CEP112: variants seen among roughly 807,000 people sequenced by gnomAD.
The protein encoded by CEP112 is centrosomal protein 112, also known as centrosomal protein of 112 kDa.
A neutral mutation model predicts 153.0 loss-of-function variants in CEP112; 127 were observed. That is an observed-to-expected ratio of 0.83 (90% CI 0.72 to 0.96). The LOEUF is 0.96. CEP112 is among the 40% of genes least tolerant of loss of function. The probability of loss-of-function intolerance (pLI) is 0.00; values close to 1 mark genes in which losing one functional copy is unlikely to be tolerated. For missense variants in CEP112, 1,089 were observed against 1,101.2 expected (o/e 0.99, Z 0.16); for synonymous variants, 358 against 374.4 (o/e 0.96, Z 0.51).
intron 12 of CEP112, among the ~76,000 whole-genome samples, chr17:66,047,889 T>C (rs766817449): frequency 2.6e-5 from 4 of 152,150 alleles, no homozygotes; most frequent in Non-Finnish European, 2.9e-5. Context: ...GGGAAACTAA[T>C]TGCAGGACCC....
intron 21 of CEP112, among the ~76,000 whole-genome samples, chr17:65,798,204 T>C (rs1195687289): frequency 1.3e-5 from 2 of 152,146 alleles, no homozygotes; most frequent in African/African-American, 4.8e-5. Context: ...CCCTGATCAA[T>C]GGAGAGTTAC....
intron 20 of CEP112, among the ~76,000 whole-genome samples, chr17:65,890,578 G>A (rs2059427608): frequency 6.6e-6 from 1 of 152,118 alleles, no homozygotes; most frequent in African/African-American, 2.4e-5. Context: ...TGAAGGGTAA[G>A]TACGCTAGAG....
chr17:65,863,253 A>G (rs771720443), intron 20 of CEP112, among the ~76,000 whole-genome samples: 2 of 152,208 alleles, frequency 1.3e-5, no homozygotes, highest in Non-Finnish European at 2.9e-5. Flanking sequence ...TTCATTTTAT[A>G]AACAACTCCC....
At chr17:66,047,131 T>G (rs8070104) in intron 12 of CEP112, among the ~76,000 whole-genome samples, 86,562 of 151,990 alleles carry the variant, frequency 0.57, 25,825 homozygotes, top group African/African-American at 0.67. Context: ...TTATTTATTT[T>G]TTTGAGATGG....
intron 21 of CEP112, among the ~76,000 whole-genome samples, chr17:65,844,871 G>C (rs928677266): frequency 1.3e-5 from 2 of 151,650 alleles, no homozygotes; most frequent in Non-Finnish European, 2.9e-5. Context: ...AAAATTAGCC[G>C]GGCATGGTGG....
chr17:66,080,135 A>T (rs910885131), intron 8 of CEP112, among the ~76,000 whole-genome samples: 2 of 152,132 alleles, frequency 1.3e-5, no homozygotes, highest in African/African-American at 4.8e-5. Context: ...AAAACAATGG[A>T]AACAAAAGCC....
At chr17:66,148,355 C>T (rs1598438351) in intron 4 of CEP112, among the ~76,000 whole-genome samples, 1 of 152,072 alleles carries the variant, frequency 6.6e-6, no homozygotes, top group South Asian at 2.1e-4. Context: ...GGGATACAGC[C>T]TAACCATATC....
chr17:65,852,080 A>T (rs755725443), intron 20 of CEP112, 46 bp from the exon 21 acceptor site: 1 of 1,371,506 alleles, frequency 7.3e-7, no homozygotes, highest in Non-Finnish European at 1.0e-6. Context: ...TCAATAGGGA[A>T]GTCACAAAAG....
intron 19 of CEP112, among the ~76,000 whole-genome samples, chr17:65,914,698 T>C (rs538864991): frequency 6.6e-6 from 1 of 152,168 alleles, no homozygotes; most frequent in Non-Finnish European, 1.5e-5. Context: ...CTCTGCATCA[T>C]CAATATTTTC....
chr17:66,015,061 C>T lies in CEP112; in HGVS notation c.1657-9292G>A, dbSNP rs574275018. Among the ~76,000 whole-genome samples the T allele has an allele frequency of 2.6e-5, 4 of 152,294 alleles. No homozygotes were observed. In the East Asian group the frequency reaches 5.8e-4, roughly 22 times the overall value. On this transcript the variant is annotated intron_variant, in intron 16 of 26. Transcript: ENST00000535342. Reference sequence around the variant, plus strand: ...CGTCTTTGGAAACAGATTTTAATTACACTAATGATGCCATAAATATTTCAC... The same window carrying T: ...CGTCTTTGGAAACAGATTTTAATTATACTAATGATGCCATAAATATTTCAC...
At chr17:65,906,072 C>T (rs539339333) in intron 19 of CEP112, among the ~76,000 whole-genome samples, 3 of 152,190 alleles carry the variant, frequency 2.0e-5, no homozygotes, top group Non-Finnish European at 4.4e-5. Flanking sequence ...CACATTTACA[C>T]CATACTATGC....
chr17:65,855,716 T>A (rs891341764), intron 20 of CEP112, among the ~76,000 whole-genome samples: 1 of 152,112 alleles, frequency 6.6e-6, no homozygotes, highest in Non-Finnish European at 1.5e-5. Flanking sequence ...GACACCTAAA[T>A]AACATATATT....
At chr17:66,013,350 C>T (rs922936878) in intron 16 of CEP112, among the ~76,000 whole-genome samples, 2 of 152,090 alleles carry the variant, frequency 1.3e-5, no homozygotes. Context: ...GGCTCATGTC[C>T]CTTCAACCTT....
At chr17:65,679,485 G>T (rs1003716243) in intron 24 of CEP112, among the ~76,000 whole-genome samples, 3 of 152,112 alleles carry the variant, frequency 2.0e-5, no homozygotes, top group Admixed American at 1.3e-4. Flanking sequence ...GCTTTGAGTT[G>T]TTAGTACTTT....
intron 9 of CEP112, 54 bp from the exon 10 acceptor site, chr17:66,066,931 A>T (rs939007253): frequency 1.8e-6 from 2 of 1,116,306 alleles, no homozygotes; most frequent in Middle Eastern, 2.8e-4. Flanking sequence ...CATATAGGAC[A>T]CTTTTTTGAA....
intron 24 of CEP112, among the ~76,000 whole-genome samples, chr17:65,648,138 T>C (rs1056596534): frequency 5.9e-5 from 9 of 152,124 alleles, no homozygotes; most frequent in Admixed American, 5.2e-4. Context: ...ATTTCCATCC[T>C]CTCTCCATTC....
chr17:66,075,895 A>G (rs1387906044), intron 8 of CEP112, among the ~76,000 whole-genome samples: 1 of 152,200 alleles, frequency 6.6e-6, no homozygotes, highest in Admixed American at 6.5e-5. Context: ...CAAACTGCAG[A>G]AGTGGGAAAG....
chr17:66,049,028 C>A (rs575792168), intron 12 of CEP112, among the ~76,000 whole-genome samples: 60 of 152,334 alleles, frequency 3.9e-4, no homozygotes, highest in African/African-American at 1.3e-3. Flanking sequence ...ATCTAGGAGA[C>A]TGTCGCTCTC....
chr17:65,643,417 C>G (rs1307768806), intron 24 of CEP112, among the ~76,000 whole-genome samples: 1 of 152,024 alleles, frequency 6.6e-6, no homozygotes, highest in Admixed American at 6.5e-5. Flanking sequence ...CTTGCCTCAG[C>G]CTCCTGAGTA....
Sources: gnomAD v4.1 joint callset for allele counts (sites outside exome capture counted in the v4.1 genomes callset) on GRCh38, gnomAD v4.1.1 for gene constraint, MANE v1.5 for transcripts, NCBI Gene and HGNC (gene_info 2026-07-23, HGNC 2026-07-21) for gene names.